IQSEC1: variants seen among roughly 807,000 people sequenced by gnomAD.
The protein encoded by IQSEC1 is IQ motif and Sec7 domain ArfGEF 1.
In IQSEC1, 31 loss-of-function variants were observed where a neutral mutation model predicts 91.0. That is an observed-to-expected ratio of 0.34 (90% CI 0.26 to 0.46). The LOEUF is 0.46. Ranked by LOEUF, IQSEC1 falls within the 20% of genes least tolerant of loss-of-function variation. The pLI is 1.00. For missense variants in IQSEC1, 1,388 were observed against 1,575.6 expected (o/e 0.88, Z 2.02); for synonymous variants, 699 against 662.6 (o/e 1.05, Z -0.84).
At chr3:13,120,387 G>C (rs994327799) in intron 2 of IQSEC1, among the ~76,000 whole-genome samples, 5 of 152,178 alleles carry the variant, frequency 3.3e-5, no homozygotes, top group Non-Finnish European at 7.4e-5. Flanking sequence ...TCTCCCAGAA[G>C]GGAGACACGG....
intron 1 of IQSEC1, among the ~76,000 whole-genome samples, chr3:12,984,255 G>C (rs1271640451): frequency 6.6e-6 from 1 of 152,178 alleles, no homozygotes; most frequent in African/African-American, 2.4e-5. Flanking sequence ...CTGAGCACAG[G>C]AGGACCACGG....
chr3:13,058,586 C>G (rs1309035489), intron 1 of IQSEC1, among the ~76,000 whole-genome samples: 1 of 152,200 alleles, frequency 6.6e-6, no homozygotes. Flanking sequence ...AGGGGAGGAC[C>G]TGGAGGGCAG....
chr3:12,903,780 G>A (rs1321107321), intron 12 of IQSEC1, among the ~76,000 whole-genome samples: 2 of 152,138 alleles, frequency 1.3e-5, no homozygotes, highest in East Asian at 3.8e-4. Flanking sequence ...GAGAGAAACA[G>A]TCCTCCCCAC....
chr3:12,949,829 G>A (rs960548024), intron 1 of IQSEC1, among the ~76,000 whole-genome samples: 6 of 152,308 alleles, frequency 3.9e-5, no homozygotes, highest in South Asian at 4.1e-4. Context: ...AGAGGTGGCC[G>A]CCACCCCTGC....
chr3:12,941,692 C>T lies in IQSEC1; in HGVS notation c.197G>A (p.Arg66Gln), dbSNP rs777214549. ...GGTCGAGTGCTGCAGCTTGGGCCTC[C>T]GCGTGCGCTGCTGTTGCCCCGGCGG... is the stretch of plus-strand genomic sequence containing the variant. ...SGPPGQQQRTRRPKLQHSTSI... is the reference protein window; with the variant it reads ...SGPPGQQQRTQRPKLQHSTSI... The change falls in exon 2 of 14, where the codon CGG (arginine) becomes CAG (glutamine). Residue 66 changes from arginine (R) to glutamine (Q), a missense_variant. Coordinates refer to ENST00000613206, the MANE Select transcript of IQSEC1 (RefSeq NM_001134382.3). The T allele has an allele frequency of 9.9e-6, 16 of 1,612,710 alleles. No homozygotes were observed. The highest frequency in any genetic ancestry group is 5.5e-5 in the South Asian group (5 of 91,072).
At chr3:13,079,385 G>A (rs936628315) in intron 2 of IQSEC1, among the ~76,000 whole-genome samples, 3 of 152,252 alleles carry the variant, frequency 2.0e-5, no homozygotes, top group African/African-American at 7.2e-5. Context: ...TGGAGGAAGG[G>A]AGCAGCATGC....
chr3:12,938,322 C>G (rs1223542821), intron 2 of IQSEC1, among the ~76,000 whole-genome samples: 1 of 152,200 alleles, frequency 6.6e-6, no homozygotes, highest in Non-Finnish European at 1.5e-5. Context: ...AGGCGCAGAA[C>G]TGAAATAATG....
rs556973219 is a variant in IQSEC1, at chr3:13,274,432, G to A, written c.272+8279C>T. On this transcript the variant is annotated intron_variant, in intron 1 of 15. Transcript: ENST00000648114. ...TCTGCCCTTGGCAAGCTGTGCTCCT[G>A]CGGTTCCCACGGAGGGGGCGGGCTC... Among the ~76,000 whole-genome samples, 4 of 152,374 alleles carry A rather than the reference G, an allele frequency of 2.6e-5. No homozygotes were observed. The East Asian group carries it at 7.7e-4, about 29-fold the overall frequency.
chr3:13,180,780 G>A (rs1202695100), intron 1 of IQSEC1, among the ~76,000 whole-genome samples: 1 of 146,684 alleles, frequency 6.8e-6, no homozygotes, highest in East Asian at 1.9e-4. Context: ...AACACTCATC[G>A]CAAAGGTCTG....
Position 12,935,560 on chromosome 3 carries a change from G to A in IQSEC1, c.1456C>T (p.Leu486Phe), listed in dbSNP as rs1166529097. The A allele has an allele frequency of 1.9e-6, 3 of 1,613,986 alleles. No homozygotes were observed. Among genetic ancestry groups the A allele is most frequent in the Non-Finnish European group, 2.5e-6 (3 of 1,180,030 alleles). Residue 486 changes from leucine to phenylalanine, a missense_variant, in exon 3 of 14, where the codon CTC becomes TTC. By Grantham distance (22) the Leu-to-Phe change is conservative (BLOSUM62 0). Around this residue, in one of 2 missense-constraint regions of IQSEC1, gnomAD observed 1,059 missense variants for 1,317.8 expected, o/e 0.80. Coordinates refer to ENST00000613206, the MANE Select transcript of IQSEC1 (RefSeq NM_001134382.3). This position sits in a 1 kb window ranked among gnomAD's most constrained non-coding sequence, Gnocchi z 8.0. ...SSRDSLREQTLSKQTYHKEAR... is the reference protein window; with the variant it reads ...SSRDSLREQTFSKQTYHKEAR... ...TCCTTGTGGTAGGTCTGCTTGCTGAGCGTCTGCTCCCGCAGGCTGTCACGG... is the reference window on the plus strand; with the variant it reads ...TCCTTGTGGTAGGTCTGCTTGCTGAACGTCTGCTCCCGCAGGCTGTCACGG...
At chr3:13,009,583 G>T (rs879419359) in intron 1 of IQSEC1, among the ~76,000 whole-genome samples, 5 of 151,540 alleles carry the variant, frequency 3.3e-5, no homozygotes, top group African/African-American at 9.7e-5. Flanking sequence ...CCAGGCTCAG[G>T]ACCCTCATCC....
At chr3:13,165,269 C>T (rs1326475637) in intron 1 of IQSEC1, among the ~76,000 whole-genome samples, 1 of 152,060 alleles carries the variant, frequency 6.6e-6, no homozygotes, top group Non-Finnish European at 1.5e-5. Flanking sequence ...CACATGGTCC[C>T]CACGGCAGCA....
intron 1 of IQSEC1, among the ~76,000 whole-genome samples, chr3:12,975,906 T>C (rs765484693): frequency 5.9e-5 from 9 of 152,166 alleles, no homozygotes; most frequent in Admixed American, 1.3e-4. Flanking sequence ...GTCTCTGCCT[T>C]AGCTGATGTG....
chr3:13,031,027 A>G (rs929735286), intron 1 of IQSEC1, among the ~76,000 whole-genome samples: 1 of 152,300 alleles, frequency 6.6e-6, no homozygotes, highest in African/African-American at 2.4e-5. Flanking sequence ...CACTCCTTTA[A>G]ATGGAAAACT....
chr3:13,075,751 C>A (rs1422910562), upstream of IQSEC1, among the ~76,000 whole-genome samples: 1 of 152,214 alleles, frequency 6.6e-6, no homozygotes, highest in Non-Finnish European at 1.5e-5. Flanking sequence ...AACCCACCTG[C>A]ACTGGCGCGG....
intron 1 of IQSEC1, among the ~76,000 whole-genome samples, chr3:13,249,544 T>C (rs1695160246): frequency 6.6e-6 from 1 of 152,210 alleles, no homozygotes; most frequent in African/African-American, 2.4e-5. Flanking sequence ...CCCTCAGTCA[T>C]GCTCATCGGC....
At chr3:13,261,606 G>A (rs1051460767) in intron 1 of IQSEC1, among the ~76,000 whole-genome samples, 2 of 150,400 alleles carry the variant, frequency 1.3e-5, no homozygotes, top group Non-Finnish European at 3.0e-5. Flanking sequence ...CCCCACCCCC[G>A]TCATCACATG....
chr3:12,903,812 T>C (rs1351932469), intron 12 of IQSEC1, among the ~76,000 whole-genome samples: 2 of 152,164 alleles, frequency 1.3e-5, no homozygotes, highest in Non-Finnish European at 2.9e-5. Flanking sequence ...GAAGCTTCCA[T>C]CTGGGCAGCA....
intron 1 of IQSEC1, among the ~76,000 whole-genome samples, chr3:13,179,776 G>A (rs1297837082): frequency 3.3e-5 from 5 of 152,230 alleles, no homozygotes; most frequent in Admixed American, 3.3e-4. Flanking sequence ...GGCGGGAACC[G>A]GGGCTATGCA....
Sources: allele counts gnomAD v4.1 joint callset (sites outside exome capture counted in the v4.1 genomes callset), GRCh38; gene constraint gnomAD v4.1.1; regional missense constraint gnomAD v4.1.1; non-coding constraint Gnocchi (gnomAD v3.1); transcripts MANE v1.5; gene names NCBI Gene and HGNC (gene_info 2026-07-23, HGNC 2026-07-21).